CDKAL1: variants seen among roughly 807,000 people sequenced by gnomAD.
CDKAL1 encodes threonylcarbamoyladenosine tRNA methylthiotransferase.
Under a neutral mutation model 68.2 loss-of-function variants are expected in CDKAL1, and 32 were observed. That is an observed-to-expected ratio of 0.47 (90% CI 0.35 to 0.63). The LOEUF is 0.63. Ranked by LOEUF, CDKAL1 falls within the 30% of genes least tolerant of loss-of-function variation. CDKAL1 has a pLI of 0.00. For missense variants in CDKAL1, 606 were observed against 696.7 expected (o/e 0.87, Z 1.47); for synonymous variants, 234 against 244.3 (o/e 0.96, Z 0.39).
intron 4 of CDKAL1, among the ~76,000 whole-genome samples, chr6:20,599,061 T>C (rs1765967600): frequency 6.6e-6 from 1 of 152,046 alleles, no homozygotes; most frequent in Non-Finnish European, 1.5e-5. Context: ...CTTTACATAG[T>C]TCAAAATACC....
intron 13 of CDKAL1, among the ~76,000 whole-genome samples, chr6:21,152,039 A>T (rs980660748): frequency 6.6e-6 from 1 of 152,208 alleles, no homozygotes; most frequent in African/African-American, 2.4e-5. Flanking sequence ...CACTTTGAAA[A>T]TACGTATTAT....
chr6:20,823,512 A>G (rs1777374229), intron 8 of CDKAL1, among the ~76,000 whole-genome samples: 1 of 152,206 alleles, frequency 6.6e-6, no homozygotes, highest in South Asian at 2.1e-4. Context: ...GTTTTGAAAA[A>G]AAGAGTGCAG....
chr6:20,838,083 C>T (rs1778029550), intron 8 of CDKAL1, among the ~76,000 whole-genome samples: 1 of 151,388 alleles, frequency 6.6e-6, no homozygotes, highest in Non-Finnish European at 1.5e-5. Flanking sequence ...TAGATGTATA[C>T]ATCTACTTTA....
chr6:20,653,477 G>C (rs1768866405), intron 5 of CDKAL1, among the ~76,000 whole-genome samples: 1 of 152,014 alleles, frequency 6.6e-6, no homozygotes, highest in Non-Finnish European at 1.5e-5. Flanking sequence ...CTTGAGACAG[G>C]CTCTCACCCT....
intron 5 of CDKAL1, among the ~76,000 whole-genome samples, chr6:20,736,469 C>A (rs1773198169): frequency 6.6e-6 from 1 of 152,090 alleles, no homozygotes; most frequent in Admixed American, 6.6e-5. Context: ...TAATCATCAT[C>A]ATCTTTTTAA....
At chr6:21,188,565 T>C (rs971847541) in intron 13 of CDKAL1, among the ~76,000 whole-genome samples, 1 of 152,226 alleles carries the variant, frequency 6.6e-6, no homozygotes, top group Non-Finnish European at 1.5e-5. Context: ...TCTACACTTA[T>C]ATCCAGTGTT....
intron 5 of CDKAL1, among the ~76,000 whole-genome samples, chr6:20,658,943 T>A (rs1195399503): frequency 6.6e-6 from 1 of 152,090 alleles, no homozygotes; most frequent in African/African-American, 2.4e-5. Flanking sequence ...GCCTCATGAG[T>A]AGCTGGGACT....
At chr6:21,017,130 A>G (rs1582036034) in intron 11 of CDKAL1, among the ~76,000 whole-genome samples, 2 of 152,172 alleles carry the variant, frequency 1.3e-5, no homozygotes, top group African/African-American at 4.8e-5. Context: ...TTATCTCTCC[A>G]TTATGGCACA....
chr6:20,910,175 T>A (rs1561877112), intron 9 of CDKAL1, among the ~76,000 whole-genome samples: 1 of 152,248 alleles, frequency 6.6e-6, no homozygotes, highest in Non-Finnish European at 1.5e-5. Flanking sequence ...CTTGAGCTAC[T>A]GGTTAAACAT....
chr6:20,545,090 A>G (rs1238054408), intron 2 of CDKAL1, among the ~76,000 whole-genome samples: 1 of 151,492 alleles, frequency 6.6e-6, no homozygotes, highest in Non-Finnish European at 1.5e-5. Context: ...GCAGGCTTTT[A>G]TTGGGGGGTT....
intron 12 of CDKAL1, among the ~76,000 whole-genome samples, chr6:21,105,874 C>T (rs1189789631): frequency 6.6e-6 from 1 of 152,114 alleles, no homozygotes; most frequent in East Asian, 1.9e-4. Context: ...TATATTATTG[C>T]CAACTGGGAA....
At chr6:21,156,693 G>A (rs1263342311) in intron 13 of CDKAL1, among the ~76,000 whole-genome samples, 1 of 152,126 alleles carries the variant, frequency 6.6e-6, no homozygotes, top group Non-Finnish European at 1.5e-5. Context: ...ATGGATGTAA[G>A]GAAGATAGTG....
At chr6:20,911,759 T>C (rs193121719) in intron 9 of CDKAL1, among the ~76,000 whole-genome samples, 1 of 152,366 alleles carries the variant, frequency 6.6e-6, no homozygotes, top group Non-Finnish European at 1.5e-5. Context: ...CTCTTGTGTC[T>C]TCCCCAACCT....
chr6:20,560,688 T>G (rs958820700), intron 4 of CDKAL1, among the ~76,000 whole-genome samples: 6 of 152,200 alleles, frequency 3.9e-5, no homozygotes, highest in Non-Finnish European at 8.8e-5. Context: ...ATTTAAAAAT[T>G]TCCCACCAAT....
chr6:21,056,393 A>C (rs1156624585), intron 11 of CDKAL1, among the ~76,000 whole-genome samples: 1 of 152,094 alleles, frequency 6.6e-6, no homozygotes, highest in Non-Finnish European at 1.5e-5. Context: ...GACTTTGCTG[A>C]AATTGTTTAT....
chr6:20,633,269 G>C (rs990782996), intron 4 of CDKAL1, among the ~76,000 whole-genome samples: 5 of 152,172 alleles, frequency 3.3e-5, no homozygotes, highest in African/African-American at 1.2e-4. Flanking sequence ...CTGGACATGC[G>C]TTTGAGGTAG....
rs370206163 is a variant in CDKAL1, at chr6:20,827,242, C to T, written c.639-18833C>T. On this transcript the variant is annotated intron_variant, in intron 8 of 15. Coordinates refer to ENST00000274695, the MANE Select transcript of CDKAL1 (RefSeq NM_017774.3). ...TTTGATATTTGGCAAATCACTTTAC[C>T]TTTCCATTCCTTGGCTTCATCTCTG... Among the ~76,000 whole-genome samples, 67 of 152,250 alleles carry T rather than the reference C, an allele frequency of 4.4e-4. No individual in the cohort carries two copies. The East Asian group carries it at 8.5e-3, about 19-fold the overall frequency.
intron 5 of CDKAL1, among the ~76,000 whole-genome samples, chr6:20,678,181 T>A (rs758899895): frequency 2.0e-4 from 30 of 152,106 alleles, no homozygotes; most frequent in Middle Eastern, 3.4e-3. Flanking sequence ...GTGAATGCAT[T>A]TCTTCTTGCA....
intron 7 of CDKAL1, among the ~76,000 whole-genome samples, chr6:20,771,274 G>C (rs959682140): frequency 3.3e-5 from 5 of 152,038 alleles, no homozygotes; most frequent in African/African-American, 9.7e-5. Context: ...CATTTCTATA[G>C]AAAGGCAGTG....
Sources: allele counts gnomAD v4.1 joint callset (sites outside exome capture counted in the v4.1 genomes callset), GRCh38; gene constraint gnomAD v4.1.1; transcripts MANE v1.5; gene names NCBI Gene and HGNC (gene_info 2026-07-23, HGNC 2026-07-21).